VMA22: variants seen among roughly 807,000 people sequenced by gnomAD.
VMA22 encodes vacuolar ATPase assembly factor VMA22.
chr2:130,339,104 C>A, the VMA22 span: 24 of 1,596,318 alleles, frequency 1.5e-5, no homozygotes, highest in Non-Finnish European at 2.0e-5. Flanking sequence ...CGCTGCCCTG[C>A]CTCTTTGCGC....
At chr2:130,342,681 T>C in the VMA22 span, 1 of 538,430 alleles carries the variant, frequency 1.9e-6, no homozygotes, top group Non-Finnish European at 3.3e-6. Context: ...ATTTATTAGC[T>C]GCGGTCCTAA....
chr2:130,340,670 GA>G, the VMA22 span: 3 of 550,516 alleles, frequency 5.4e-6, no homozygotes, highest in Non-Finnish European at 9.8e-6. Context: ...AACATTACAT[GA>G]AAAGTGTTTG....
chr2:130,341,562 G>T, the VMA22 span: 1 of 933,700 alleles, frequency 1.1e-6, no homozygotes, highest in South Asian at 1.6e-5. Flanking sequence ...CTTCTGCTCT[G>T]GGATGCTCTC....
the VMA22 span, chr2:130,342,333 C>T: frequency 1.1e-6 from 1 of 878,026 alleles, no homozygotes; most frequent in Non-Finnish European, 1.7e-6. Flanking sequence ...ACTGGTTTCT[C>T]CAATTAGCCC....
the VMA22 span, chr2:130,341,963 G>A: frequency 6.2e-7 from 1 of 1,613,074 alleles, no homozygotes; most frequent in East Asian, 2.2e-5. Context: ...AGAGGAAAGC[G>A]GTGAGACTCA....
At chr2:130,342,409 T>G in the VMA22 span, 1 of 568,634 alleles carries the variant, frequency 1.8e-6, no homozygotes. Context: ...TTCCGGAAGC[T>G]GCCGAATCTT....
At chr2:130,340,015 C>T in the VMA22 span, 1 of 328,158 alleles carries the variant, frequency 3.0e-6, no homozygotes, top group South Asian at 2.7e-5. Flanking sequence ...AGCAGGGCGT[C>T]GGTGGATACC....
chr2:130,340,144 C>G, the VMA22 span: 1 of 165,120 alleles, frequency 6.1e-6, no homozygotes, highest in African/African-American at 2.4e-5. Flanking sequence ...GGACTCCTTT[C>G]CTTCCCTTAC....
At chr2:130,341,818 G>T in the VMA22 span, 2 of 147,192 alleles carry the variant, frequency 1.4e-5, no homozygotes, top group Non-Finnish European at 2.9e-5. Flanking sequence ...CGCCCACCCA[G>T]CCCAGCATGG....
chr2:130,339,043 TGAAG>T, the VMA22 span: 1 of 1,093,702 alleles, frequency 9.1e-7, no homozygotes, highest in African/African-American at 1.5e-5. Context: ...GAGCTAATTG[TGAAG>T]GAAGAAGGCC....
At chr2:130,339,632 C>T in the VMA22 span, 1 of 1,305,306 alleles carries the variant, frequency 7.7e-7, no homozygotes, top group South Asian at 1.2e-5. Context: ...TTGCTGATGT[C>T]TCTGCTGGAA....
chr2:130,341,793 T>G, the VMA22 span: 8 of 1,551,322 alleles, frequency 5.2e-6, no homozygotes, highest in South Asian at 5.8e-5. Flanking sequence ...AGCCCGGGCC[T>G]AGAACGCGCC....
At chr2:130,342,368 G>A in the VMA22 span, 2 of 677,330 alleles carry the variant, frequency 3.0e-6, no homozygotes, top group Non-Finnish European at 4.9e-6. Flanking sequence ...CTGCTGAACT[G>A]TCGGCTAGGG....
chr2:130,339,458 A>G, the VMA22 span: 15 of 1,405,276 alleles, frequency 1.1e-5, no homozygotes, highest in South Asian at 2.2e-4. Flanking sequence ...TCCTGGACCC[A>G]TTATATCACC....
chr2:130,341,170 G>A, the VMA22 span: 1 of 1,130,030 alleles, frequency 8.8e-7, no homozygotes, highest in Non-Finnish European at 1.2e-6. Flanking sequence ...CAACTTTGGG[G>A]TTCCAGGAAA....
the VMA22 span, chr2:130,341,272 A>AC: frequency 1.7e-6 from 1 of 574,460 alleles, no homozygotes; most frequent in Non-Finnish European, 3.1e-6. Flanking sequence ...CCCACTGATG[A>AC]CCCTGTTTGC....
the VMA22 span, chr2:130,341,495 A>T: frequency 1.7e-6 from 1 of 600,498 alleles, no homozygotes; most frequent in East Asian, 2.9e-5. Context: ...CTCACCAACA[A>T]TTTCTCTACT....
chr2:130,340,663 A>G, the VMA22 span: 1 of 537,386 alleles, frequency 1.9e-6, no homozygotes, highest in Non-Finnish European at 3.3e-6. Context: ...GCTTCTAAAC[A>G]TTACATGAAA....
the VMA22 span, chr2:130,341,557 G>T: frequency 1.1e-6 from 1 of 890,888 alleles, no homozygotes; most frequent in Non-Finnish European, 1.8e-6. Context: ...CTGTTCTTCT[G>T]CTCTGGGATG....
Sources: gnomAD v4.1 joint callset for allele counts on GRCh38, gnomAD v4.1.1 for gene constraint, MANE v1.5 for transcripts, NCBI Gene and HGNC (gene_info 2026-07-23, HGNC 2026-07-21) for gene names.